Variants in CSRNP3 observed in about 807,000 individuals in gnomAD.
CSRNP3 encodes the protein cysteine/serine-rich nuclear protein 3.
In CSRNP3, 12 loss-of-function variants were observed where a neutral mutation model predicts 48.0. The ratio of observed to expected loss-of-function variants is 0.25; its 90% confidence interval spans 0.16 to 0.41. The LOEUF (loss-of-function observed/expected upper bound fraction) is 0.41. Among genes scored for constraint, CSRNP3 ranks in the 10% least tolerant of loss-of-function variants. The pLI, the probability that CSRNP3 is intolerant of heterozygous loss-of-function variation, is 1.00. For missense variants in CSRNP3, 580 were observed against 724.4 expected, an observed-to-expected ratio of 0.80 and a Z score of 2.29; for synonymous variants, 263 against 269.7, an observed-to-expected ratio of 0.98 and a Z score of 0.24.
chr2:165,642,436 A>G (rs1686737792), intron 4 of CSRNP3, among the ~76,000 whole-genome samples: 1 of 152,244 alleles, frequency 6.6e-6, no homozygotes, highest in Non-Finnish European at 1.5e-5. Flanking sequence ...TTGCTTTCAC[A>G]TACTATATGA....
intron 1 of CSRNP3, among the ~76,000 whole-genome samples, chr2:165,481,186 G>C (rs1684037839): frequency 6.6e-6 from 1 of 152,112 alleles, no homozygotes. Flanking sequence ...AATATTGAAT[G>C]AGAAGGTTAT....
At chr2:165,581,635 C>A (rs778439468) in intron 3 of CSRNP3, among the ~76,000 whole-genome samples, 7 of 147,502 alleles carry the variant, frequency 4.7e-5, no homozygotes, top group Non-Finnish European at 7.4e-5. Flanking sequence ...CTCCTGGGTT[C>A]AAGCGAATCT....
intron 3 of CSRNP3, among the ~76,000 whole-genome samples, chr2:165,540,244 TC>T (rs939980152): frequency 6.6e-6 from 1 of 152,098 alleles, no homozygotes; most frequent in Non-Finnish European, 1.5e-5. Context: ...GGCAAATTAC[TC>T]CCTGTCTTTA....
chr2:165,511,138 G>A (rs1312828518), intron 2 of CSRNP3, among the ~76,000 whole-genome samples: 1 of 152,128 alleles, frequency 6.6e-6, no homozygotes, highest in East Asian at 1.9e-4. Flanking sequence ...CTTACCATTG[G>A]ATTTGGCAAT....
intron 3 of CSRNP3, among the ~76,000 whole-genome samples, chr2:165,549,947 C>T (rs1466111143): frequency 1.3e-5 from 2 of 152,112 alleles, no homozygotes; most frequent in African/African-American, 4.8e-5. Flanking sequence ...TCTGTTGCAC[C>T]TCACTGAGGA....
chr2:165,678,907 T>C lies in CSRNP3; in HGVS notation c.912T>C (p.Pro304=), dbSNP rs373864969. 1.2e-6 allele frequency: 2 copies of C among 1,613,668 alleles called. No individual in the cohort carries two copies. The highest frequency in any genetic ancestry group is 2.7e-5 in the African/African-American group (2 of 74,908). The stretch of plus-strand genomic sequence containing the variant: ...GTGCTCACAGTAGTTCTATGGGCCC[T>C]GTCGCTCACTCCGTAGAATATTCAA... The part of the protein sequence containing the change: ...EISAHSSSMG[P]VAHSVEYSIA... Residue 304 remains proline (P), a synonymous_variant, in exon 7 of 7, where the codon CCT becomes CCC. Coordinates refer to ENST00000651982, the MANE Select transcript of CSRNP3 (RefSeq NM_001172173.2).
intron 4 of CSRNP3, among the ~76,000 whole-genome samples, chr2:165,603,719 A>C (rs17251665): frequency 0.056 from 8,585 of 152,246 alleles, 393 homozygotes; most frequent in Non-Finnish European, 0.085. Context: ...AAAACACTTG[A>C]AAACTTCTTT....
At chr2:165,510,714 C>T (rs1363671075) in intron 2 of CSRNP3, among the ~76,000 whole-genome samples, 6 of 152,092 alleles carry the variant, frequency 3.9e-5, no homozygotes, top group Admixed American at 1.3e-4. Context: ...TTCCTTATTA[C>T]TTATTATTGT....
chr2:165,649,280 T>C (rs1253638568), intron 4 of CSRNP3, among the ~76,000 whole-genome samples: 1 of 152,208 alleles, frequency 6.6e-6, no homozygotes, highest in Non-Finnish European at 1.5e-5. Flanking sequence ...AAAAGAGTCT[T>C]GTCTTGAATT....
rs1185788657 is a variant in CSRNP3 at position 165,686,494 on chromosome 2, T to C, written c.*6741T>C. On this transcript the variant is annotated 3_prime_UTR_variant, in exon 7 of 7. Transcript: ENST00000651982. ...AGATCTATATACATTTTTGCAACTT[T>C]ATTTAATAAAAAAGAGAAGAAAAAA... 6.9e-6 allele frequency: 1 copy of C among 144,922 alleles called. No homozygotes were observed. Among genetic ancestry groups the C allele is most frequent in the Admixed American group, 7.0e-5 (1 of 14,340 alleles). The allele number at this position is 144,922 out of a possible 1,614,324, so 9.0% of individuals were successfully genotyped here.
chr2:165,622,552 A>T (rs909358871), intron 4 of CSRNP3, among the ~76,000 whole-genome samples: 7 of 152,190 alleles, frequency 4.6e-5, no homozygotes, highest in African/African-American at 1.7e-4. Flanking sequence ...TGAAGGCTCA[A>T]TGGGTTTGAG....
At chr2:165,555,501 C>T (rs563682152) in intron 3 of CSRNP3, among the ~76,000 whole-genome samples, 3 of 152,280 alleles carry the variant, frequency 2.0e-5, no homozygotes, top group Non-Finnish European at 4.4e-5. Context: ...TGACCCTTTT[C>T]TCCTAGAGGC....
chr2:165,608,671 T>C (rs1414746295), intron 4 of CSRNP3, among the ~76,000 whole-genome samples: 1 of 152,110 alleles, frequency 6.6e-6, no homozygotes, highest in Non-Finnish European at 1.5e-5. Context: ...TTAAAATATC[T>C]TCTACCATAT....
rs527992036 is a variant in CSRNP3 at position 165,645,899 on chromosome 2, GT to G, written c.149-11854del. On this transcript the variant is annotated intron_variant, in intron 4 of 6. Coordinates refer to ENST00000651982, the MANE Select transcript of CSRNP3 (RefSeq NM_001172173.2). ...TTTTTTTTGTTTTGTTTTGTTTTGT[GT>G]TTTTTTTGTTTTGTTTTGTTTTTTT... 7.9e-3 allele frequency among the ~76,000 whole-genome samples: 1,182 copies of G among 149,508 alleles called. 20 individuals carry two copies. Among genetic ancestry groups the G allele is most frequent in the African/African-American group, 0.026 (1,043 of 39,928 alleles).
chr2:165,565,417 A>G (rs1685284385), intron 3 of CSRNP3, among the ~76,000 whole-genome samples: 1 of 152,096 alleles, frequency 6.6e-6, no homozygotes, highest in Admixed American at 6.6e-5. Context: ...TAGCAAGACC[A>G]TGAGAATTAA....
At chr2:165,580,077 T>C (rs1031062354) in intron 3 of CSRNP3, among the ~76,000 whole-genome samples, 11 of 151,814 alleles carry the variant, frequency 7.2e-5, no homozygotes, top group East Asian at 1.9e-4. Flanking sequence ...TACAGGCGCC[T>C]GCCACCACGC....
At chr2:165,482,598 T>C (rs1477278627) in intron 1 of CSRNP3, among the ~76,000 whole-genome samples, 1 of 152,154 alleles carries the variant, frequency 6.6e-6, no homozygotes, top group Admixed American at 6.6e-5. Context: ...GATACAGATA[T>C]CACCACAAAT....
intron 4 of CSRNP3, among the ~76,000 whole-genome samples, chr2:165,597,700 T>G (rs1473658833): frequency 6.6e-6 from 1 of 152,100 alleles, no homozygotes; most frequent in South Asian, 2.1e-4. Flanking sequence ...ATTTTCTGGA[T>G]AGAGTATAGC....
At chr2:165,642,514 G>A (rs970172723) in intron 4 of CSRNP3, among the ~76,000 whole-genome samples, 15 of 151,682 alleles carry the variant, frequency 9.9e-5, no homozygotes, top group African/African-American at 2.2e-4. Flanking sequence ...AAGAGTAGAC[G>A]TGGCATTGAT....
Sources: gnomAD v4.1 joint callset for allele counts (sites outside exome capture counted in the v4.1 genomes callset) on GRCh38, gnomAD v4.1.1 for gene constraint, MANE v1.5 for transcripts, NCBI Gene and HGNC (gene_info 2026-07-23, HGNC 2026-07-21) for gene names.